ACAP2: variants seen among roughly 807,000 people sequenced by gnomAD.
ACAP2 encodes arf-GAP with coiled-coil, ANK repeat and PH domain-containing protein 2.
ACAP2 carries 39 observed loss-of-function variants against 115.8 expected under a neutral mutation model. The observed-to-expected ratio is 0.34, with a 90% confidence interval of 0.26 to 0.44. The LOEUF (loss-of-function observed/expected upper bound fraction) is 0.44. ACAP2 is among the 20% of genes least tolerant of loss of function. The pLI is 1.00. For synonymous variants in ACAP2, 289 were observed against 315.8 expected (o/e 0.92, Z 0.90); for missense variants, 662 against 927.6 (o/e 0.71, Z 3.72).
chr3:195,412,996 C>A, intron 1 of ACAP2: 1 of 421,776 alleles, frequency 2.4e-6, no homozygotes, highest in Non-Finnish European at 4.8e-6. Context: ...TTAAGAAAAG[C>A]AGGATAAGAG....
intron 1 of ACAP2, among the ~76,000 whole-genome samples, chr3:195,400,631 G>T (rs1343517824): frequency 2.6e-5 from 4 of 152,146 alleles, no homozygotes; most frequent in Admixed American, 6.5e-5. Context: ...CTGCTTAAAG[G>T]GTTAGAATCA....
At position 195,276,078 on chromosome 3, in the gene ACAP2, G is replaced by A. The variant is rs139504936; in HGVS notation, c.*3250C>T. 7 of 152,658 alleles carry A rather than the reference G, an allele frequency of 4.6e-5. No homozygotes were observed. Among genetic ancestry groups the A allele is most frequent in the East Asian group, 3.9e-4 (2 of 5,186 alleles). 9.5% of individuals were successfully genotyped at this position (152,658 alleles called of 1,614,324 possible). A position where few individuals can be genotyped will look rare whatever the true frequency, so the allele number is the denominator to read the frequency against. On this transcript the variant is annotated 3_prime_UTR_variant, in exon 23 of 23. Coordinates refer to ENST00000326793, the MANE Select transcript of ACAP2 (RefSeq NM_012287.6). ...TGATCTGGGAATGTCTGTTCAAAAC[G>A]GTAGTAAATTTAGTCTTAAACACAA...
chr3:195,286,016 A>G (rs570004787), intron 21 of ACAP2, among the ~76,000 whole-genome samples, 159 bp from the exon 22 acceptor site: 1 of 152,344 alleles, frequency 6.6e-6, no homozygotes, highest in East Asian at 1.9e-4. Flanking sequence ...TCTGAGGTAC[A>G]AAGATAAGTA....
At chr3:195,364,682 T>C (rs1170200618) in intron 4 of ACAP2, among the ~76,000 whole-genome samples, 3 of 152,220 alleles carry the variant, frequency 2.0e-5, no homozygotes, top group Non-Finnish European at 2.9e-5. Context: ...TTGGTGGGAA[T>C]GTAAATTAGT....
chr3:195,435,664 A>C (rs1715479733), intron 1 of ACAP2, among the ~76,000 whole-genome samples: 1 of 152,034 alleles, frequency 6.6e-6, no homozygotes, highest in African/African-American at 2.4e-5. Context: ...AATTTTTCAG[A>C]TTTCCTTGTT....
intron 4 of ACAP2, among the ~76,000 whole-genome samples, chr3:195,356,798 C>G (rs1214367753): frequency 6.6e-6 from 1 of 151,810 alleles, no homozygotes; most frequent in African/African-American, 2.4e-5. Flanking sequence ...ACTAAAGAGC[C>G]CTTAGACCCT....
intron 4 of ACAP2, among the ~76,000 whole-genome samples, chr3:195,366,554 A>C (rs1302776928): frequency 6.6e-6 from 1 of 152,236 alleles, no homozygotes. Flanking sequence ...GTCTTGTTAG[A>C]AATGGAGAAT....
chr3:195,292,243 ATGTCAT>A lies in ACAP2; in HGVS notation c.1953+16_1953+21del, dbSNP rs536616315. 4,281 of 1,538,214 alleles carry A rather than the reference ATGTCAT, an allele frequency of 2.8e-3. 9 individuals carry two copies. The highest frequency in any genetic ancestry group is 3.5e-3 in the Non-Finnish European group (3,974 of 1,148,588). ...TTTAAATATTTGATTGCTACTGAAAATGTCATTGTATAAACGCATACCCCTAATACA... is the reference window on the plus strand; with the variant it reads ...TTTAAATATTTGATTGCTACTGAAAATGTATAAACGCATACCCCTAATACA... On this transcript the variant is annotated intron_variant, in intron 19 of 22. Coordinates refer to ENST00000326793, the MANE Select transcript of ACAP2 (RefSeq NM_012287.6).
intron 22 of ACAP2, among the ~76,000 whole-genome samples, chr3:195,284,168 C>T (rs1463497760): frequency 6.6e-6 from 1 of 152,082 alleles, no homozygotes; most frequent in Non-Finnish European, 1.5e-5. Context: ...GAGCAGCTAA[C>T]CAAACACTGA....
chr3:195,306,801 G>A lies in ACAP2; in HGVS notation c.1011-185C>T, dbSNP rs368783093. ...AGTATGTTAACGAAGAAATTAAGGT[G>A]CCAATGAAACAAATTATCTCTTAAA... On this transcript the variant is annotated intron_variant, in intron 12 of 22. Transcript: ENST00000326793. The A allele has an allele frequency of 4.6e-4, 197 of 425,498 alleles. 2 individuals are homozygous for A. In the South Asian group the frequency reaches 8.8e-3, roughly 19 times the overall value. 26.4% of individuals were successfully genotyped at this position (425,498 alleles called of 1,614,324 possible).
chr3:195,324,964 G>T (rs1304960270), intron 9 of ACAP2, among the ~76,000 whole-genome samples: 2 of 151,988 alleles, frequency 1.3e-5, no homozygotes, highest in African/African-American at 4.8e-5. Flanking sequence ...GGAAAAATGA[G>T]AGAAAGATTA....
chr3:195,403,681 C>A (rs935483118), intron 1 of ACAP2, among the ~76,000 whole-genome samples: 1 of 152,170 alleles, frequency 6.6e-6, no homozygotes, highest in Non-Finnish European at 1.5e-5. Context: ...AAGTTTCAGG[C>A]TGGAGCAAAA....
At chr3:195,406,678 G>C (rs979870417) in intron 1 of ACAP2, among the ~76,000 whole-genome samples, 3 of 152,144 alleles carry the variant, frequency 2.0e-5, no homozygotes, top group Non-Finnish European at 4.4e-5. Context: ...TTTTGTTCCA[G>C]ATAGTTTGTA....
In ACAP2 at chr3:195,295,328, A is replaced by G. The variant is rs756142148; in HGVS notation, c.1672+380T>C. 1.6e-5 allele frequency: 20 copies of G among 1,263,114 alleles called. No individual in the cohort carries two copies. The East Asian group carries it at 1.0e-3, about 66-fold the overall frequency. 78.2% of individuals were successfully genotyped at this position (1,263,114 alleles called of 1,614,324 possible). Reference sequence around the variant, plus strand: ...GGGGACATGCAAGTTAGCAAAGCACAAAGCAGGCCATAAGAAGGGAAAAGG... The same window carrying G: ...GGGGACATGCAAGTTAGCAAAGCACGAAGCAGGCCATAAGAAGGGAAAAGG... On this transcript the variant is annotated intron_variant, in intron 17 of 22. Transcript: ENST00000326793.
At chr3:195,361,805 C>A (rs1265639906) in intron 4 of ACAP2, among the ~76,000 whole-genome samples, 1 of 151,438 alleles carries the variant, frequency 6.6e-6, no homozygotes, top group African/African-American at 2.4e-5. Flanking sequence ...AAGAGAAGAC[C>A]AAATAAAAAA....
rs1726266441 is a variant in ACAP2, at chr3:195,278,329, T to G, written c.*999A>C. ...AAACAGCAATTTATTGCTATATATT[T>G]TAGTATTAACTAAGAATAAGTGGGG... On this transcript the variant is annotated 3_prime_UTR_variant, in exon 23 of 23. Coordinates refer to ENST00000326793, the MANE Select transcript of ACAP2 (RefSeq NM_012287.6). 6.6e-6 allele frequency: 1 copy of G among 152,180 alleles called. No individual in the cohort carries two copies. 9.4% of individuals were successfully genotyped at this position (152,180 alleles called of 1,614,324 possible).
rs1189457661 is a variant in ACAP2 at position 195,345,312 on chromosome 3, C to G, written c.291G>C (p.Leu97=). Residue 97 remains leucine (L), a synonymous_variant, in exon 5 of 23, where the codon CTG becomes CTC. Transcript: ENST00000326793. ...TAATTGATCTCTGAGTTTGGTCAAACAGGATCTAAAAAATAAAATGTAATA... is the reference window on the plus strand; with the variant it reads ...TAATTGATCTCTGAGTTTGGTCAAAGAGGATCTAAAAAATAAAATGTAATA... ...LQEMINFHTI[L]FDQTQRSIKA... is the part of the protein sequence containing the mutation. 1.2e-6 allele frequency: 2 copies of G among 1,603,222 alleles called. No homozygotes were observed. The highest frequency in any genetic ancestry group is 1.7e-6 in the Non-Finnish European group (2 of 1,170,998).
chr3:195,440,136 G>A (rs1233471226), intron 1 of ACAP2, among the ~76,000 whole-genome samples: 1 of 151,976 alleles, frequency 6.6e-6, no homozygotes, highest in East Asian at 1.9e-4. Flanking sequence ...AAGGTTTTTA[G>A]ATTTTAGATG....
intron 8 of ACAP2, among the ~76,000 whole-genome samples, chr3:195,327,763 C>T (rs1360673905): frequency 1.3e-5 from 2 of 152,026 alleles, no homozygotes; most frequent in Non-Finnish European, 2.9e-5. Context: ...AACCCCGTCT[C>T]TCCTAAAACT....
Sources: allele counts gnomAD v4.1 joint callset (sites outside exome capture counted in the v4.1 genomes callset), GRCh38; gene constraint gnomAD v4.1.1; transcripts MANE v1.5; gene names NCBI Gene and HGNC (gene_info 2026-07-23, HGNC 2026-07-21).